The following CSMD1 variants were observed in gnomAD, a reference collection of about 807,000 sequenced individuals.
CSMD1 encodes the protein CUB and sushi domain-containing protein 1.
In CSMD1, 213 loss-of-function variants were observed where a neutral mutation model predicts 417.5. The ratio of observed to expected loss-of-function variants is 0.51; its 90% CI spans 0.46 to 0.57. CSMD1 has a LOEUF of 0.57. Ranked by LOEUF, CSMD1 falls within the 20% of genes least tolerant of loss-of-function variation. The pLI is 0.00. For missense variants in CSMD1, 6,923 were observed against 4,529.7 expected, an observed-to-expected ratio of 1.53 and a Z score of -15.17; for synonymous variants, 2,862 against 1,736.8, an observed-to-expected ratio of 1.65 and a Z score of -16.11.
At chr8:3,356,987 T>G (rs1808837878) in intron 21 of CSMD1, among the ~76,000 whole-genome samples, 1 of 150,156 alleles carries the variant, frequency 6.7e-6, no homozygotes, top group African/African-American at 2.5e-5. Context: ...CTGGGGTTGG[T>G]GGGGTCTGGG....
chr8:4,096,517 T>C (rs992391727), intron 3 of CSMD1, among the ~76,000 whole-genome samples: 3 of 152,146 alleles, frequency 2.0e-5, no homozygotes, highest in Non-Finnish European at 4.4e-5. Flanking sequence ...AATGACTACT[T>C]AGAAAAAACT....
chr8:3,071,039 C>G (rs1224998194), intron 49 of CSMD1, among the ~76,000 whole-genome samples: 1 of 152,186 alleles, frequency 6.6e-6, no homozygotes, highest in Non-Finnish European at 1.5e-5. Context: ...CCATGTCACA[C>G]TGTCACAGGG....
At chr8:4,271,176 G>A (rs1585132958) in intron 3 of CSMD1, among the ~76,000 whole-genome samples, 1 of 152,032 alleles carries the variant, frequency 6.6e-6, no homozygotes, top group East Asian at 1.9e-4. Context: ...CATTACATAT[G>A]TTTTCATTTA....
intron 1 of CSMD1, among the ~76,000 whole-genome samples, chr8:4,931,670 T>A (rs1379677612): frequency 6.6e-6 from 1 of 152,238 alleles, no homozygotes; most frequent in Non-Finnish European, 1.5e-5. Context: ...TACCTATTTG[T>A]GTTTAAGATT....
intron 5 of CSMD1, among the ~76,000 whole-genome samples, chr8:3,821,969 T>A (rs555525189): frequency 1.4e-4 from 22 of 152,312 alleles, no homozygotes; most frequent in African/African-American, 5.3e-4. Context: ...TCTCTCATGT[T>A]TCCCTTCACA....
chr8:4,019,892 C>A (rs1046676552), intron 4 of CSMD1, among the ~76,000 whole-genome samples: 6 of 144,776 alleles, frequency 4.1e-5, no homozygotes, highest in African/African-American at 1.5e-4. Flanking sequence ...GTTTCTTATT[C>A]TAAAGAATAG....
At chr8:4,643,844 G>A (rs1803352969) in intron 1 of CSMD1, among the ~76,000 whole-genome samples, 1 of 152,160 alleles carries the variant, frequency 6.6e-6, no homozygotes, top group African/African-American at 2.4e-5. Context: ...CTTCGATTAA[G>A]GGTTTTCAGA....
intron 3 of CSMD1, among the ~76,000 whole-genome samples, chr8:4,346,855 T>C (rs1378167041): frequency 6.6e-6 from 1 of 152,154 alleles, no homozygotes; most frequent in East Asian, 1.9e-4. Flanking sequence ...TGAGGCCATC[T>C]CCACCTCTCT....
intron 10 of CSMD1, among the ~76,000 whole-genome samples, chr8:3,538,270 C>T (rs1357829347): frequency 6.6e-6 from 1 of 152,158 alleles, no homozygotes; most frequent in Non-Finnish European, 1.5e-5. Context: ...GATGCTTCAC[C>T]TTCAGTGGTG....
At chr8:4,956,736 A>G (rs4455853) in intron 1 of CSMD1, among the ~76,000 whole-genome samples, 14 of 152,180 alleles carry the variant, frequency 9.2e-5, no homozygotes, top group Non-Finnish European at 1.9e-4. Flanking sequence ...ATGTCAACAC[A>G]AGAGGAAAAT....
intron 7 of CSMD1, among the ~76,000 whole-genome samples, chr8:3,644,663 C>T (rs1797484130): frequency 2.0e-5 from 3 of 152,068 alleles, no homozygotes; most frequent in South Asian, 4.1e-4. Flanking sequence ...GCAGCAGGTT[C>T]AAGTGGCTGA....
At chr8:4,482,589 A>T (rs1398047390) in intron 2 of CSMD1, among the ~76,000 whole-genome samples, 3 of 152,180 alleles carry the variant, frequency 2.0e-5, no homozygotes, top group African/African-American at 7.2e-5. Context: ...AGAATGTTTT[A>T]TATTCCTTTG....
At chr8:4,452,644 G>T (rs911449044) in intron 2 of CSMD1, among the ~76,000 whole-genome samples, 2 of 147,916 alleles carry the variant, frequency 1.4e-5, no homozygotes. Context: ...AAAAATTCTT[G>T]AGTGAAACGT....
At chr8:4,368,372 T>G (rs1802211144) in intron 3 of CSMD1, among the ~76,000 whole-genome samples, 1 of 152,200 alleles carries the variant, frequency 6.6e-6, no homozygotes, top group African/African-American at 2.4e-5. Context: ...TTTCATCTGC[T>G]GCTGGATTCA....
At chr8:4,051,278 G>A (rs960136992) in intron 3 of CSMD1, among the ~76,000 whole-genome samples, 2 of 146,254 alleles carry the variant, frequency 1.4e-5, no homozygotes, top group Admixed American at 6.8e-5. Flanking sequence ...TACAAAGCCT[G>A]CACAAAAGCT....
chr8:3,648,706 G>A (rs1299769440), intron 7 of CSMD1, among the ~76,000 whole-genome samples: 2 of 152,152 alleles, frequency 1.3e-5, no homozygotes, highest in Non-Finnish European at 2.9e-5. Flanking sequence ...TCTAAAAAGT[G>A]CCTGATCATT....
intron 5 of CSMD1, among the ~76,000 whole-genome samples, chr8:3,914,450 C>A (rs17067962): frequency 3.3e-5 from 5 of 151,968 alleles, no homozygotes; most frequent in Non-Finnish European, 7.4e-5. Flanking sequence ...CTATTTCTAA[C>A]GCTAATTATT....
At chr8:3,989,742 G>A (rs1199150642) in intron 5 of CSMD1, among the ~76,000 whole-genome samples, 1 of 152,168 alleles carries the variant, frequency 6.6e-6, no homozygotes, top group Non-Finnish European at 1.5e-5. Flanking sequence ...AGTCATAGGT[G>A]GGAAACGCTA....
chr8:4,185,754 G>A (rs79348842), intron 3 of CSMD1, among the ~76,000 whole-genome samples: 1 of 152,156 alleles, frequency 6.6e-6, no homozygotes, highest in East Asian at 1.9e-4. Flanking sequence ...CTATCATTTT[G>A]AGATAAAATA....
Sources: gnomAD v4.1 joint callset for allele counts (sites outside exome capture counted in the v4.1 genomes callset) on GRCh38, gnomAD v4.1.1 for gene constraint, MANE v1.5 for transcripts, NCBI Gene and HGNC (gene_info 2026-07-23, HGNC 2026-07-21) for gene names.